GPC5: variants seen among roughly 807,000 people sequenced by gnomAD.
GPC5 encodes the protein glypican-5.
GPC5 carries 47 observed loss-of-function variants against 53.9 expected under a neutral mutation model. That is an observed-to-expected ratio of 0.87 (90% confidence interval 0.69 to 1.11). The LOEUF (loss-of-function observed/expected upper bound fraction) is 1.11, where lower values mean the gene tolerates loss of function less well. Ranked by LOEUF, GPC5 falls within the 50% of genes most tolerant of loss-of-function variation. The probability of loss-of-function intolerance (pLI) is 0.00; values close to 1 mark genes in which losing one functional copy is unlikely to be tolerated. For synonymous variants in GPC5, 286 were observed against 263.3 expected (o/e 1.09, Z -0.84); for missense variants, 748 against 713.1 (o/e 1.05, Z -0.56).
intron 7 of GPC5, among the ~76,000 whole-genome samples, chr13:92,389,613 G>T (rs887745299): frequency 6.6e-6 from 1 of 151,992 alleles, no homozygotes; most frequent in African/African-American, 2.4e-5. Context: ...GCTTGGTGAG[G>T]GGGTGTTTCT....
intron 7 of GPC5, among the ~76,000 whole-genome samples, chr13:92,200,397 C>T (rs974786915): frequency 6.6e-6 from 1 of 152,128 alleles, no homozygotes; most frequent in Non-Finnish European, 1.5e-5. Flanking sequence ...TTTTCAGTAA[C>T]TGTGTTAGCC....
intron 7 of GPC5, among the ~76,000 whole-genome samples, chr13:92,205,554 CT>C (rs967054026): frequency 5.9e-5 from 9 of 152,182 alleles, no homozygotes; most frequent in Non-Finnish European, 8.8e-5. Flanking sequence ...AAATTCAGAC[CT>C]CTCTTTGGGC....
At chr13:91,539,779 T>C (rs2029867984) in intron 2 of GPC5, among the ~76,000 whole-genome samples, 1 of 152,120 alleles carries the variant, frequency 6.6e-6, no homozygotes, top group South Asian at 2.1e-4. Context: ...GCATATCTAA[T>C]TGTTCAGTAT....
At chr13:92,000,454 A>G (rs1038324893) in intron 6 of GPC5, among the ~76,000 whole-genome samples, 4 of 152,130 alleles carry the variant, frequency 2.6e-5, no homozygotes, top group Non-Finnish European at 5.9e-5. Flanking sequence ...TTATATTACA[A>G]TATAATAATG....
In GPC5 at chr13:92,291,253, G is replaced by C. The variant is rs116467103; in HGVS notation, c.1561+146264G>C. On this transcript the variant is annotated intron_variant, in intron 7 of 7. Transcript: ENST00000377067. ...CGGGCGCATGGCACGGGACTGACAG[G>C]CAGCTCCACCTGCCGCCCTGTGCAG... 6.0e-3 allele frequency among the ~76,000 whole-genome samples: 918 copies of C among 152,276 alleles called. 9 individuals carry two copies. The highest frequency in any genetic ancestry group is 0.021 in the African/African-American group (879 of 41,552).
At chr13:91,780,798 C>T (rs1376439375) in intron 5 of GPC5, among the ~76,000 whole-genome samples, 1 of 152,150 alleles carries the variant, frequency 6.6e-6, no homozygotes, top group Non-Finnish European at 1.5e-5. Flanking sequence ...TATAATTCAA[C>T]TTTGTTCAAG....
At chr13:91,582,789 G>A (rs1330655928) in intron 2 of GPC5, among the ~76,000 whole-genome samples, 1 of 152,160 alleles carries the variant, frequency 6.6e-6, no homozygotes, top group East Asian at 1.9e-4. Context: ...GAGGCGGGCA[G>A]ATAACTTGAG....
intron 2 of GPC5, among the ~76,000 whole-genome samples, chr13:91,665,505 C>CTTTTTTTTTTTTGTCT (rs371605806): frequency 7.9e-4 from 115 of 146,192 alleles, no homozygotes; most frequent in African/African-American, 2.7e-3. Flanking sequence ...AAAAGCCAGT[C>CTTTTTTTTTTTTGTCT]TTTTTTTTTT....
chr13:92,206,656 T>TA (rs2042340205), intron 7 of GPC5, among the ~76,000 whole-genome samples: 2 of 152,170 alleles, frequency 1.3e-5, no homozygotes, highest in South Asian at 4.1e-4. Flanking sequence ...TGCTTTTACT[T>TA]AATTTCCTTA....
At chr13:92,333,868 T>C (rs1374495589) in intron 7 of GPC5, among the ~76,000 whole-genome samples, 1 of 152,136 alleles carries the variant, frequency 6.6e-6, no homozygotes, top group Non-Finnish European at 1.5e-5. Context: ...CTAAGGGCTC[T>C]TAATGGATAC....
intron 5 of GPC5, among the ~76,000 whole-genome samples, chr13:91,873,291 A>C (rs1193439835): frequency 6.6e-6 from 1 of 152,172 alleles, no homozygotes; most frequent in African/African-American, 2.4e-5. Context: ...GTCTGGACTT[A>C]AAATTTCAAC....
intron 2 of GPC5, among the ~76,000 whole-genome samples, chr13:91,647,941 G>A (rs1161536353): frequency 6.6e-6 from 1 of 152,156 alleles, no homozygotes; most frequent in African/African-American, 2.4e-5. Context: ...GTAAATTTGA[G>A]GCCAATAATG....
intron 2 of GPC5, among the ~76,000 whole-genome samples, chr13:91,631,009 T>C (rs2139423764): frequency 6.6e-6 from 1 of 152,274 alleles, no homozygotes; most frequent in South Asian, 2.1e-4. Flanking sequence ...CTGATTCTTC[T>C]GTCTAACTCA....
At chr13:91,946,169 G>A (rs571436929) in intron 6 of GPC5, among the ~76,000 whole-genome samples, 2 of 152,130 alleles carry the variant, frequency 1.3e-5, no homozygotes, top group East Asian at 1.9e-4. Flanking sequence ...AGTACTGTTC[G>A]TGACAGTCTG....
At chr13:92,267,226 T>C (rs9523565) in intron 7 of GPC5, among the ~76,000 whole-genome samples, 1 of 151,992 alleles carries the variant, frequency 6.6e-6, no homozygotes, top group Non-Finnish European at 1.5e-5. Flanking sequence ...TTATTTTACC[T>C]CCCTAGTCTT....
At chr13:92,514,982 T>C (rs78191590) in intron 7 of GPC5, among the ~76,000 whole-genome samples, 2,271 of 152,186 alleles carry the variant, frequency 0.015, 63 homozygotes, top group African/African-American at 0.052. Flanking sequence ...CGCAGGGAGA[T>C]GACAGAACAT....
intron 7 of GPC5, among the ~76,000 whole-genome samples, chr13:92,529,399 A>G (rs944232193): frequency 6.6e-6 from 1 of 152,236 alleles, no homozygotes; most frequent in Non-Finnish European, 1.5e-5. Context: ...ACACAAAAAG[A>G]TATTATGGAA....
At chr13:91,713,529 T>C (rs2139920280) in intron 3 of GPC5, among the ~76,000 whole-genome samples, 1 of 152,302 alleles carries the variant, frequency 6.6e-6, no homozygotes, top group South Asian at 2.1e-4. Flanking sequence ...AAGTAGTTTA[T>C]TCCTAGAGTC....
chr13:92,243,788 A>T (rs1183854650), intron 7 of GPC5, among the ~76,000 whole-genome samples: 1 of 152,186 alleles, frequency 6.6e-6, no homozygotes, highest in Non-Finnish European at 1.5e-5. Flanking sequence ...TTGTCTATAG[A>T]TACTTTTTAA....
Sources: gnomAD v4.1 joint callset for allele counts (sites outside exome capture counted in the v4.1 genomes callset) on GRCh38, gnomAD v4.1.1 for gene constraint, MANE v1.5 for transcripts, NCBI Gene and HGNC (gene_info 2026-07-23, HGNC 2026-07-21) for gene names.